Variants in SIRT3 observed in about 807,000 individuals in gnomAD.
The protein encoded by SIRT3 is sirtuin 3, also known as NAD-dependent protein deacetylase sirtuin-3, mitochondrial.
In SIRT3, 26 loss-of-function variants were observed where a neutral mutation model predicts 33.5. The observed-to-expected ratio is 0.78, with a 90% CI of 0.57 to 1.08. The LOEUF is 1.08. Among genes scored for constraint, SIRT3 ranks in the 50% least tolerant of loss-of-function variants. The pLI, the probability that SIRT3 is intolerant of heterozygous loss-of-function variation, is 0.00. For synonymous variants in SIRT3, 237 were observed against 222.1 expected (o/e 1.07, Z -0.60); for missense variants, 585 against 530.1 (o/e 1.10, Z -1.02).
intron 4 of SIRT3, among the ~76,000 whole-genome samples, chr11:229,232 C>T (rs1483159354): frequency 6.6e-6 from 1 of 152,162 alleles, no homozygotes; most frequent in Non-Finnish European, 1.5e-5. Flanking sequence ...GCAGGCGGAT[C>T]ACGAGGTCAA....
chr11:217,861 G>A lies in SIRT3; in HGVS notation c.1179+971C>T, dbSNP rs1282983591. On this transcript the variant is annotated intron_variant, in intron 6 of 6. Coordinates refer to ENST00000382743, the MANE Select transcript of SIRT3 (RefSeq NM_012239.6). ...CACCTTGAATTGTAATCATCCCCAT[G>A]TGTCAAGGGTGGGGCCAAGTGGAAG... Among the ~76,000 whole-genome samples, 3 of 152,218 alleles carry A rather than the reference G, an allele frequency of 2.0e-5. No homozygotes were observed. In the East Asian group the frequency reaches 5.8e-4, roughly 29 times the overall value.
Position 233,344 on chromosome 11 carries a change from TG to T in SIRT3, c.471del (p.Phe157LeufsTer116). 1 of 1,613,366 alleles carries T rather than the reference TG, an allele frequency of 6.2e-7. No homozygotes were observed. The highest frequency in any genetic ancestry group is 1.1e-5 in the South Asian group (1 of 91,008). ...GISTPSGIPD[F>X]RSPGSGLYSN... is the part of the protein sequence containing the mutation. ...GGCAGGTGGGACTGTGGGCAGTACC[TG>T]AAGTCTGGAATGCCACTGGGTGTGC... On this transcript the variant is annotated frameshift_variant and splice_region_variant, in exon 2 of 7. Transcript: ENST00000382743. LOFTEE classifies it high-confidence loss of function.
At position 216,260 on chromosome 11, in the gene SIRT3, T is replaced by C; in HGVS notation, c.*438A>G. On this transcript the variant is annotated 3_prime_UTR_variant, in exon 7 of 7. Transcript: ENST00000382743. ...GGCACCAGGGCCTCAAGACTACACTTCGGAACATGAAGAGGGCTGGGGACC... is the reference window on the plus strand; with the variant it reads ...GGCACCAGGGCCTCAAGACTACACTCCGGAACATGAAGAGGGCTGGGGACC... 1 of 169,344 alleles carries C rather than the reference T, an allele frequency of 5.9e-6. No individual in the cohort carries two copies. Among genetic ancestry groups the C allele is most frequent in the Middle Eastern group, 2.6e-3 (1 of 378 alleles). The allele number at this position is 169,344 out of a possible 1,614,324, so 10.5% of individuals were successfully genotyped here.
At chr11:221,284 T>A (rs1417194389) in intron 5 of SIRT3, among the ~76,000 whole-genome samples, 10 of 152,214 alleles carry the variant, frequency 6.6e-5, no homozygotes, top group Admixed American at 6.5e-4. Flanking sequence ...GCTATCTTTT[T>A]ATTTTTTGTA....
chr11:217,039 A>G (rs1472543977), intron 6 of SIRT3, among the ~76,000 whole-genome samples: 3 of 152,250 alleles, frequency 2.0e-5, no homozygotes, highest in African/African-American at 4.8e-5. Context: ...CAGAAAATGA[A>G]ATCATAACCC....
intron 4 of SIRT3, among the ~76,000 whole-genome samples, chr11:225,397 G>A (rs1857037814): frequency 6.6e-6 from 1 of 151,840 alleles, no homozygotes; most frequent in Non-Finnish European, 1.5e-5. Context: ...GGGCAACAAA[G>A]CGAGACTCTG....
At chr11:221,910 T>C (rs1414432872) in intron 5 of SIRT3, among the ~76,000 whole-genome samples, 1 of 151,620 alleles carries the variant, frequency 6.6e-6, no homozygotes, top group Non-Finnish European at 1.5e-5. Flanking sequence ...AAAAGAAAGC[T>C]GAGAGGACAC....
chr11:228,138 G>A (rs899925524), intron 4 of SIRT3, among the ~76,000 whole-genome samples: 2 of 152,152 alleles, frequency 1.3e-5, no homozygotes, highest in Non-Finnish European at 2.9e-5. Flanking sequence ...AGCTGAGTCA[G>A]TGTAGTGTCC....
At chr11:232,852 T>A (rs753109405) in intron 3 of SIRT3, 131 bp downstream of exon 3, 3 of 793,520 alleles carry the variant, frequency 3.8e-6, no homozygotes, top group Non-Finnish European at 6.1e-6. Context: ...AAGCGATAGG[T>A]TTTGGCCGTC....
At chr11:218,640 G>A (rs535716) in intron 6 of SIRT3, 192 bp downstream of exon 6, 233,611 of 1,059,424 alleles carry the variant, frequency 0.22, 29,828 homozygotes, top group African/African-American at 0.48. Context: ...GTTAGCATCT[G>A]TTTCCTCATC....
intron 4 of SIRT3, 45 bp from the exon 5 acceptor site, chr11:224,284 C>T: frequency 1.3e-6 from 2 of 1,583,430 alleles, no homozygotes; most frequent in Non-Finnish European, 1.7e-6. Flanking sequence ...CCTGCAACAC[C>T]CTGTAAAAGG....
rs111930133 is a variant in SIRT3, at chr11:218,793, A to C, written c.1179+39T>G. The C allele has an allele frequency of 1.4e-4, 234 of 1,613,982 alleles. 2 individuals are homozygous for C. The Middle Eastern group carries it at 3.1e-3, about 22-fold the overall frequency. ...TGGACCATACCCTAGAGCAGTGAGAAGGGCAGCCCCTTGGATGGTCCTCCT... is the reference window on the plus strand; with the variant it reads ...TGGACCATACCCTAGAGCAGTGAGACGGGCAGCCCCTTGGATGGTCCTCCT... On this transcript the variant is annotated intron_variant, in intron 6 of 6. Coordinates refer to ENST00000382743, the MANE Select transcript of SIRT3 (RefSeq NM_012239.6).
At chr11:226,297 T>G (rs868006725) in intron 4 of SIRT3, among the ~76,000 whole-genome samples, 5 of 152,298 alleles carry the variant, frequency 3.3e-5, no homozygotes, top group Middle Eastern at 3.4e-3. Context: ...GTGAGGCGCG[T>G]CTGACCTCCT....
upstream of SIRT3, chr11:236,888 C>G: frequency 1.5e-6 from 1 of 654,194 alleles, no homozygotes; most frequent in Non-Finnish European, 2.7e-6. Flanking sequence ...CGCAGAGACG[C>G]GCTGTAACCG....
intron 4 of SIRT3, among the ~76,000 whole-genome samples, chr11:228,157 T>C (rs1019051619): frequency 6.6e-6 from 1 of 152,208 alleles, no homozygotes; most frequent in Admixed American, 6.5e-5. Flanking sequence ...CCAGTACATA[T>C]TTATAGTAAA....
intron 4 of SIRT3, among the ~76,000 whole-genome samples, chr11:229,375 G>A (rs1266248673): frequency 1.3e-5 from 2 of 152,144 alleles, no homozygotes; most frequent in South Asian, 4.1e-4. Context: ...AACCCAGGAG[G>A]CGGATGGTAC....
intron 4 of SIRT3, 125 bp downstream of exon 4, chr11:230,327 C>G: frequency 2.3e-6 from 1 of 427,604 alleles, no homozygotes; most frequent in Non-Finnish European, 4.0e-6. Context: ...TTCTAATTTA[C>G]AAATAAAATG....
chr11:222,139 C>A (rs1333071936), intron 5 of SIRT3, among the ~76,000 whole-genome samples: 1 of 152,180 alleles, frequency 6.6e-6, no homozygotes, highest in African/African-American at 2.4e-5. Flanking sequence ...GTGCTGACCA[C>A]CATGGCCCCT....
chr11:228,728 T>C (rs111352645), intron 4 of SIRT3, among the ~76,000 whole-genome samples: 2,351 of 152,108 alleles, frequency 0.015, 53 homozygotes, highest in African/African-American at 0.048. Context: ...AGAAAATAAA[T>C]AGACAAACTA....
Sources: gnomAD v4.1 joint callset for allele counts (sites outside exome capture counted in the v4.1 genomes callset) on GRCh38, gnomAD v4.1.1 for gene constraint, MANE v1.5 for transcripts, NCBI Gene and HGNC (gene_info 2026-07-23, HGNC 2026-07-21) for gene names.